SPATA16: variants seen among roughly 807,000 people sequenced by gnomAD.
SPATA16 encodes spermatogenesis-associated protein 16.
A neutral mutation model predicts 63.3 loss-of-function variants in SPATA16; 36 were observed. That is an observed-to-expected ratio of 0.57 (90% CI 0.44 to 0.75). SPATA16 has a LOEUF of 0.75. Among genes scored for constraint, SPATA16 ranks in the 30% least tolerant of loss-of-function variants. The pLI, the probability that SPATA16 is intolerant of heterozygous loss-of-function variation, is 0.00. For missense variants in SPATA16, 646 were observed against 679.3 expected (o/e 0.95, Z 0.54); for synonymous variants, 203 against 216.7 (o/e 0.94, Z 0.56).
chr3:172,920,668 T>C (rs940786358), intron 8 of SPATA16, among the ~76,000 whole-genome samples: 1 of 152,226 alleles, frequency 6.6e-6, no homozygotes, highest in Admixed American at 6.5e-5. Flanking sequence ...AGTTAACTTT[T>C]TTCTAATTAG....
intron 6 of SPATA16, among the ~76,000 whole-genome samples, chr3:172,934,171 G>T (rs1035508332): frequency 2.0e-5 from 3 of 151,970 alleles, no homozygotes; most frequent in African/African-American, 7.3e-5. Context: ...CACAGAAAAT[G>T]ACTTGTGGGT....
intron 4 of SPATA16, among the ~76,000 whole-genome samples, chr3:172,986,026 G>A (rs984005161): frequency 2.0e-5 from 3 of 152,146 alleles, no homozygotes; most frequent in African/African-American, 7.2e-5. Flanking sequence ...GCCACAACCT[G>A]CCAGGCTTGT....
In SPATA16 at chr3:172,976,855, T is replaced by G. The variant is rs879930458; in HGVS notation, c.933+113A>C. ...ACATTATTATTCAGTACCTTCTTTCTGATTGATATGCCCAGAGCTACCTTT... is the reference window on the plus strand; with the variant it reads ...ACATTATTATTCAGTACCTTCTTTCGGATTGATATGCCCAGAGCTACCTTT... On this transcript the variant is annotated intron_variant, in intron 5 of 10. Transcript: ENST00000351008. 2.5e-4 allele frequency: 210 copies of G among 826,802 alleles called. 1 individual carries two copies. The Admixed American group carries it at 3.9e-3, about 15-fold the overall frequency. The allele number at this position is 826,802 out of a possible 1,614,324, so 51.2% of individuals were successfully genotyped here.
intron 4 of SPATA16, among the ~76,000 whole-genome samples, chr3:173,003,712 T>C (rs183991691): frequency 3.9e-5 from 6 of 152,336 alleles, no homozygotes; most frequent in Admixed American, 3.9e-4. Context: ...TTTCACTCAA[T>C]AGAACTAATT....
intron 2 of SPATA16, among the ~76,000 whole-genome samples, chr3:173,098,948 A>G (rs983475402): frequency 6.6e-5 from 10 of 152,040 alleles, no homozygotes; most frequent in Admixed American, 5.9e-4. Flanking sequence ...GCAAAAATCA[A>G]CCAACCAACC....
At chr3:173,068,398 T>A (rs1736575320) in intron 2 of SPATA16, among the ~76,000 whole-genome samples, 1 of 152,232 alleles carries the variant, frequency 6.6e-6, no homozygotes, top group African/African-American at 2.4e-5. Flanking sequence ...CTTCTTTGTT[T>A]TTTCTTTTCC....
chr3:173,134,479 A>ATT (rs1430673248), intron 1 of SPATA16, among the ~76,000 whole-genome samples: 1 of 150,658 alleles, frequency 6.6e-6, no homozygotes, highest in African/African-American at 2.5e-5. Context: ...ACAGAGCAAG[A>ATT]CTCTGCCTCA....
intron 2 of SPATA16, among the ~76,000 whole-genome samples, chr3:173,084,470 T>G (rs1040407970): frequency 6.6e-6 from 1 of 152,046 alleles, no homozygotes; most frequent in African/African-American, 2.4e-5. Flanking sequence ...CTGTAGGTTG[T>G]TTGTTTGCCC....
At chr3:173,071,146 G>GA (rs1189362009) in intron 2 of SPATA16, among the ~76,000 whole-genome samples, 1 of 152,116 alleles carries the variant, frequency 6.6e-6, no homozygotes, top group Admixed American at 6.5e-5. Flanking sequence ...AGAGAACTCA[G>GA]AAATAAGTCC....
intron 4 of SPATA16, among the ~76,000 whole-genome samples, chr3:173,010,409 G>A (rs1020198370): frequency 2.0e-5 from 3 of 151,390 alleles, no homozygotes; most frequent in South Asian, 2.1e-4. Context: ...TGCCCCACCC[G>A]GCCTGACCAC....
At chr3:173,061,663 G>A (rs1399972177) in intron 2 of SPATA16, among the ~76,000 whole-genome samples, 1 of 152,026 alleles carries the variant, frequency 6.6e-6, no homozygotes, top group Admixed American at 6.6e-5. Context: ...CCCTTAACAG[G>A]GTGGAAAGAA....
At position 173,048,940 on chromosome 3, in the gene SPATA16, T is replaced by C. The variant is rs752741710; in HGVS notation, c.758+9A>G. On this transcript the variant is annotated intron_variant, in intron 3 of 10. Transcript: ENST00000351008. ...GCATTTACTTGCACTTATTAGTATA[T>C]GATTTTACCTGTGTGCATGATTCAG... 6.2e-7 allele frequency: 1 copy of C among 1,613,578 alleles called. No individual in the cohort carries two copies. Among genetic ancestry groups the C allele is most frequent in the Non-Finnish European group, 8.5e-7 (1 of 1,179,556 alleles).
intron 2 of SPATA16, among the ~76,000 whole-genome samples, chr3:173,056,980 A>AT (rs1206324082): frequency 1.3e-5 from 2 of 151,596 alleles, no homozygotes; most frequent in Non-Finnish European, 2.9e-5. Flanking sequence ...ATTTTCATGT[A>AT]TTTTGCCTGA....
intron 6 of SPATA16, among the ~76,000 whole-genome samples, chr3:172,946,225 G>A (rs532507617): frequency 3.3e-5 from 5 of 152,156 alleles, no homozygotes; most frequent in South Asian, 4.1e-4. Flanking sequence ...AGTACTCACC[G>A]GGCACCTTGG....
intron 6 of SPATA16, among the ~76,000 whole-genome samples, chr3:172,955,507 G>A (rs370399541): frequency 1.3e-5 from 2 of 151,986 alleles, no homozygotes; most frequent in South Asian, 2.1e-4. Context: ...AAGTAAATCA[G>A]CACATATGGT....
At position 173,051,576 on chromosome 3, in the gene SPATA16, A is replaced by G. The variant is rs140894513; in HGVS notation, c.613-2482T>C. Among the ~76,000 whole-genome samples the G allele has an allele frequency of 9.4e-3, 1,437 of 152,132 alleles. 59 individuals are homozygous for G. The highest frequency in any genetic ancestry group is 0.014 in the East Asian group (70 of 5,162). ...GGTCTCGAACTCCTGACCTCAAGTA[A>G]TCTGCTCGCCTCAGTCTCCCAAAGT... is the stretch of plus-strand genomic sequence containing the variant. On this transcript the variant is annotated intron_variant, in intron 2 of 10. Coordinates refer to ENST00000351008, the MANE Select transcript of SPATA16 (RefSeq NM_031955.6).
At chr3:172,945,705 A>G (rs1733267746) in intron 6 of SPATA16, among the ~76,000 whole-genome samples, 1 of 152,224 alleles carries the variant, frequency 6.6e-6, no homozygotes, top group East Asian at 1.9e-4. Flanking sequence ...AGCCCTAGCC[A>G]GGGAAGAATT....
chr3:173,063,151 G>A (rs1452349871), intron 2 of SPATA16, among the ~76,000 whole-genome samples: 1 of 152,072 alleles, frequency 6.6e-6, no homozygotes, highest in Non-Finnish European at 1.5e-5. Flanking sequence ...CTATATCCAT[G>A]TCATCTATAT....
chr3:173,139,763 A>G (rs1738657138), intron 1 of SPATA16, among the ~76,000 whole-genome samples: 1 of 152,208 alleles, frequency 6.6e-6, no homozygotes, highest in South Asian at 2.1e-4. Context: ...AGGTGGGCAT[A>G]TCACTGGAGG....
Sources: allele counts gnomAD v4.1 joint callset (sites outside exome capture counted in the v4.1 genomes callset), GRCh38; gene constraint gnomAD v4.1.1; transcripts MANE v1.5; gene names NCBI Gene and HGNC (gene_info 2026-07-23, HGNC 2026-07-21).